STAU1: variants seen among roughly 807,000 people sequenced by gnomAD.
The protein encoded by STAU1 is staufen double-stranded RNA binding protein 1, also known as double-stranded RNA-binding protein Staufen homolog 1.
Under a neutral mutation model 62.9 loss-of-function variants are expected in STAU1, and 13 were observed. The observed-to-expected ratio is 0.21, with a 90% CI of 0.13 to 0.33. The LOEUF is 0.33. Among genes scored for constraint, STAU1 ranks in the 10% least tolerant of loss-of-function variants. STAU1 has a pLI of 1.00. For synonymous variants in STAU1, 269 were observed against 265.1 expected (o/e 1.01, Z -0.14); for missense variants, 571 against 712.1 (o/e 0.80, Z 2.25).
chr20:49,171,871 C>T (rs971910409), intron 2 of STAU1, among the ~76,000 whole-genome samples: 1 of 150,178 alleles, frequency 6.7e-6, no homozygotes, highest in Non-Finnish European at 1.5e-5. Flanking sequence ...TATACTAAAT[C>T]ACCCAATAAT....
chr20:49,120,195 G>A, intron 8 of STAU1, 67 bp from the exon 9 acceptor site: 1 of 1,533,164 alleles, frequency 6.5e-7, no homozygotes. Flanking sequence ...GCAGGAATTG[G>A]TGTGTCAGCA....
chr20:49,121,985 T>C (rs976636141), intron 8 of STAU1, among the ~76,000 whole-genome samples: 4 of 152,244 alleles, frequency 2.6e-5, no homozygotes, highest in African/African-American at 9.6e-5. Flanking sequence ...CCATTTCATC[T>C]TGGGCAAACT....
chr20:49,166,382 G>T, intron 2 of STAU1, 97 bp from the exon 3 acceptor site: 1 of 595,554 alleles, frequency 1.7e-6, no homozygotes, highest in Non-Finnish European at 3.0e-6. Flanking sequence ...ACTGACTTAT[G>T]AAAATAGCTC....
intron 13 of STAU1, among the ~76,000 whole-genome samples, chr20:49,115,454 C>A (rs1311780914): frequency 4.6e-5 from 7 of 152,108 alleles, no homozygotes; most frequent in African/African-American, 9.7e-5. Flanking sequence ...GTGCCTGCCA[C>A]CACACCTGGC....
In STAU1 at chr20:49,120,243, T is replaced by C. The variant is rs1023310602; in HGVS notation, c.967-115A>G. 3.2e-6 allele frequency: 4 copies of C among 1,248,750 alleles called. No individual in the cohort carries two copies. The African/African-American group carries it at 4.5e-5, about 14-fold the overall frequency. 77.4% of individuals were successfully genotyped at this position (1,248,750 alleles called of 1,614,324 possible). On this transcript the variant is annotated intron_variant, in intron 8 of 13. Transcript: ENST00000371856. ...ATGGTCAGAAGCAAGATAACAGCAG[T>C]GCCCCGAACCTGGCCTCCTTGTCTC...
the STAU1 span, among the ~76,000 whole-genome samples, chr20:49,198,595 C>G: frequency 6.6e-6 from 1 of 150,590 alleles, no homozygotes; most frequent in Non-Finnish European, 1.5e-5. Context: ...TTTGGAAGCC[C>G]AAGACAGACA....
chr20:49,132,782 A>G (rs1213915318), intron 6 of STAU1, among the ~76,000 whole-genome samples: 1 of 145,698 alleles, frequency 6.9e-6, no homozygotes, highest in Non-Finnish European at 1.5e-5. Context: ...AAACAAAACA[A>G]AAGTCAAGCT....
At chr20:49,170,362 T>C (rs2093581758) in intron 2 of STAU1, among the ~76,000 whole-genome samples, 2 of 152,210 alleles carry the variant, frequency 1.3e-5, no homozygotes, top group Non-Finnish European at 2.9e-5. Context: ...GAAAAACATT[T>C]TTTTTCTGGA....
intron 3 of STAU1, among the ~76,000 whole-genome samples, chr20:49,158,784 T>C (rs2093404147): frequency 6.6e-6 from 1 of 151,802 alleles, no homozygotes; most frequent in Admixed American, 6.6e-5. Context: ...CACTCCAGTA[T>C]GGGCAACAGA....
At chr20:49,146,378 T>C (rs2146175597) in intron 5 of STAU1, among the ~76,000 whole-genome samples, 1 of 152,330 alleles carries the variant, frequency 6.6e-6, no homozygotes, top group African/African-American at 2.4e-5. Flanking sequence ...GCTGCATTTA[T>C]TCATTTTTAC....
chr20:49,139,902 G>C (rs909631552), intron 5 of STAU1, among the ~76,000 whole-genome samples: 5 of 151,600 alleles, frequency 3.3e-5, no homozygotes, highest in Admixed American at 1.3e-4. Context: ...ATAGAAAATG[G>C]GCAGTGCGTG....
intron 5 of STAU1, among the ~76,000 whole-genome samples, chr20:49,142,385 GC>G (rs1482263452): frequency 6.6e-6 from 1 of 151,994 alleles, no homozygotes; most frequent in Non-Finnish European, 1.5e-5. Flanking sequence ...ACCGTGCCCA[GC>G]CAAAAAAAAA....
chr20:49,187,944 C>T (rs1006671880), intron 1 of STAU1, among the ~76,000 whole-genome samples, 172 bp downstream of exon 1: 2 of 151,852 alleles, frequency 1.3e-5, no homozygotes, highest in Admixed American at 6.5e-5. Flanking sequence ...GGCGAGGGAA[C>T]GCAAGAGGAC....
At chr20:49,218,970 C>T in the STAU1 span, among the ~76,000 whole-genome samples, 1 of 142,700 alleles carries the variant, frequency 7.0e-6, no homozygotes, top group Non-Finnish European at 1.5e-5. Flanking sequence ...GATCCATGAT[C>T]TCCACTGCAC....
chr20:49,196,643 G>A, the STAU1 span, among the ~76,000 whole-genome samples: 3 of 151,764 alleles, frequency 2.0e-5, no homozygotes. Flanking sequence ...GCGCATGCCT[G>A]TAATCCCAGC....
the STAU1 span, among the ~76,000 whole-genome samples, chr20:49,201,424 T>A: frequency 6.6e-6 from 1 of 152,042 alleles, no homozygotes; most frequent in Non-Finnish European, 1.5e-5. Flanking sequence ...GTACTCCAGT[T>A]GGTAAATTTG....
At chr20:49,127,229 C>G (rs946310518) in intron 6 of STAU1, among the ~76,000 whole-genome samples, 8 of 152,036 alleles carry the variant, frequency 5.3e-5, no homozygotes, top group African/African-American at 1.9e-4. Flanking sequence ...TGGCGGGCAC[C>G]TGTAATCCCA....
chr20:49,152,316 T>G (rs987304898), intron 4 of STAU1, among the ~76,000 whole-genome samples: 20 of 151,002 alleles, frequency 1.3e-4, no homozygotes, highest in Non-Finnish European at 2.5e-4. Context: ...AATTCCATTT[T>G]GCTCATCATC....
At chr20:49,161,636 T>G (rs1220422694) in intron 3 of STAU1, among the ~76,000 whole-genome samples, 1 of 152,222 alleles carries the variant, frequency 6.6e-6, no homozygotes, top group Non-Finnish European at 1.5e-5. Flanking sequence ...ACTAACTCAT[T>G]CACAAGACAC....
Sources: allele counts gnomAD v4.1 joint callset (sites outside exome capture counted in the v4.1 genomes callset), GRCh38; gene constraint gnomAD v4.1.1; transcripts MANE v1.5; gene names NCBI Gene and HGNC (gene_info 2026-07-23, HGNC 2026-07-21).